Variants in CCSER1 observed in about 807,000 individuals in gnomAD.
CCSER1 encodes coiled-coil serine rich protein 1.
In CCSER1, 41 loss-of-function variants were observed where a neutral mutation model predicts 82.0. That is an observed-to-expected ratio of 0.50 (90% CI 0.39 to 0.65). The LOEUF is 0.65. Ranked by LOEUF, CCSER1 falls within the 30% of genes least tolerant of loss-of-function variation. The pLI, the probability that CCSER1 is intolerant of heterozygous loss-of-function variation, is 0.00. For synonymous variants in CCSER1, 414 were observed against 383.9 expected, an observed-to-expected ratio of 1.08 and a Z score of -0.92; for missense variants, 1,119 against 1,064.2, an observed-to-expected ratio of 1.05 and a Z score of -0.72.
At position 91,492,606 on chromosome 4, in the gene CCSER1, C is replaced by T. The variant is rs565743391; in HGVS notation, c.2218-105966C>T. On this transcript the variant is annotated intron_variant, in intron 10 of 10. Coordinates refer to ENST00000509176, the MANE Select transcript of CCSER1 (RefSeq NM_001145065.2). ...TCCATGCTTTCAGTTGATGTCATGG[C>T]GTGAACTTAAGAACATTATAAGAAG... Among the ~76,000 whole-genome samples the T allele has an allele frequency of 4.6e-5, 7 of 152,108 alleles. No individual in the cohort carries two copies. In the South Asian group the frequency reaches 8.3e-4, roughly 18 times the overall value.
Position 91,599,006 on chromosome 4 carries a change from C to A in CCSER1, c.2652C>A (p.His884Gln). The A allele has an allele frequency of 6.4e-7, 1 of 1,551,406 alleles. No homozygotes were observed. The highest frequency in any genetic ancestry group is 8.7e-7 in the Non-Finnish European group (1 of 1,146,820). Residue 884 changes from histidine to glutamine, a missense_variant, in exon 11 of 11, where the codon CAC becomes CAA. By Grantham distance (24) the His-to-Gln change is conservative. Coordinates refer to ENST00000509176, the MANE Select transcript of CCSER1 (RefSeq NM_001145065.2). Reference protein sequence around the residue: ...HMYSRKNVFLHHNLHSTELQT... With the variant: ...HMYSRKNVFLQHNLHSTELQT... ...ACAGCAGGAAGAATGTGTTTCTCCA[C>A]CACAATTTACACAGCACTGAGCTGC...
At chr4:90,499,059 C>G (rs1769440088) in intron 5 of CCSER1, among the ~76,000 whole-genome samples, 2 of 151,612 alleles carry the variant, frequency 1.3e-5, no homozygotes. Context: ...TAAATAAGCC[C>G]TATGTTTCTA....
intron 9 of CCSER1, among the ~76,000 whole-genome samples, chr4:90,998,078 T>C (rs1737657559): frequency 2.0e-5 from 3 of 152,088 alleles, no homozygotes; most frequent in Admixed American, 6.6e-5. Context: ...TTTTATTTTA[T>C]TTTATTTATT....
intron 1 of CCSER1, among the ~76,000 whole-genome samples, chr4:90,197,176 T>C (rs1375907353): frequency 1.3e-5 from 2 of 152,126 alleles, no homozygotes; most frequent in South Asian, 4.1e-4. Flanking sequence ...TTATAAAGGA[T>C]ATTATAAAGG....
In CCSER1 at chr4:90,561,979, A is replaced by G. The variant is rs150820442; in HGVS notation, c.1725-66046A>G. On this transcript the variant is annotated intron_variant, in intron 5 of 10. Coordinates refer to ENST00000509176, the MANE Select transcript of CCSER1 (RefSeq NM_001145065.2). Reference sequence around the variant, plus strand: ...GAAGCGGGAAGGATCACCTGAGGTCAGGAGTTTGAGACCAGCCTGGCCAAC... The same window carrying G: ...GAAGCGGGAAGGATCACCTGAGGTCGGGAGTTTGAGACCAGCCTGGCCAAC... 6.5e-3 allele frequency among the ~76,000 whole-genome samples: 985 copies of G among 152,172 alleles called. 18 individuals carry two copies. The highest frequency in any genetic ancestry group is 0.023 in the African/African-American group (938 of 41,530).
At chr4:90,721,384 G>A (rs1464867525) in intron 6 of CCSER1, among the ~76,000 whole-genome samples, 2 of 151,692 alleles carry the variant, frequency 1.3e-5, no homozygotes, top group Non-Finnish European at 3.0e-5. Flanking sequence ...AAATTCATGA[G>A]AATTAAGGAG....
chr4:90,336,657 G>T (rs918049651), intron 3 of CCSER1, among the ~76,000 whole-genome samples: 1 of 152,140 alleles, frequency 6.6e-6, no homozygotes, highest in African/African-American at 2.4e-5. Context: ...TCCTAGATTT[G>T]TGTCTTTGAG....
At chr4:91,196,253 CAAG>C (rs1735428966) in intron 10 of CCSER1, among the ~76,000 whole-genome samples, 1 of 151,688 alleles carries the variant, frequency 6.6e-6, no homozygotes, top group Non-Finnish European at 1.5e-5. Context: ...TCTTCTAGCC[CAAG>C]AAGGTCAATG....
intron 5 of CCSER1, among the ~76,000 whole-genome samples, chr4:90,612,557 A>G (rs1187888825): frequency 6.6e-6 from 1 of 152,202 alleles, no homozygotes; most frequent in Non-Finnish European, 1.5e-5. Context: ...TTAAAACAAA[A>G]TTCTTATAAT....
chr4:90,160,105 G>A (rs1729147802), intron 1 of CCSER1, among the ~76,000 whole-genome samples: 2 of 152,188 alleles, frequency 1.3e-5, no homozygotes, highest in Admixed American at 1.3e-4. Context: ...CTTGTTGGGG[G>A]CAGAGCAGGA....
At chr4:91,390,224 T>A (rs1419802051) in intron 10 of CCSER1, among the ~76,000 whole-genome samples, 2 of 151,602 alleles carry the variant, frequency 1.3e-5, no homozygotes, top group East Asian at 1.9e-4. Context: ...TTGATAAGAG[T>A]TTTTTTTAAA....
At chr4:90,991,707 A>G (rs1273030783) in intron 9 of CCSER1, among the ~76,000 whole-genome samples, 2 of 152,074 alleles carry the variant, frequency 1.3e-5, no homozygotes, top group Admixed American at 6.6e-5. Context: ...AGTCACGTCC[A>G]TAGCTATGAT....
chr4:91,034,364 T>C lies in CCSER1; in HGVS notation c.2173-51586T>C, dbSNP rs185078570. Among the ~76,000 whole-genome samples the C allele has an allele frequency of 1.4e-4, 20 of 143,450 alleles. No homozygotes were observed. The East Asian group carries it at 4.3e-3, about 31-fold the overall frequency. 94.1% of individuals were successfully genotyped at this position (143,450 alleles called of 152,430 possible). A position where few individuals can be genotyped will look rare whatever the true frequency, so the allele number is the denominator to read the frequency against. ...ACTTTTGTTCATGTAATTTGTTTCA[T>C]TGAGACTACCTTTTTAAATTGTTAA... On this transcript the variant is annotated intron_variant, in intron 9 of 10. Transcript: ENST00000509176.
At chr4:91,019,900 T>C (rs1360045685) in intron 9 of CCSER1, among the ~76,000 whole-genome samples, 1 of 152,192 alleles carries the variant, frequency 6.6e-6, no homozygotes, top group African/African-American at 2.4e-5. Context: ...GCTCTTCAGT[T>C]ATGGGCAACT....
chr4:90,982,889 T>A (rs1736242755), intron 9 of CCSER1, among the ~76,000 whole-genome samples: 1 of 151,334 alleles, frequency 6.6e-6, no homozygotes, highest in Non-Finnish European at 1.5e-5. Context: ...AAAGATAGAG[T>A]CCTTAGAAGC....
At chr4:91,222,998 C>T (rs1216477714) in intron 10 of CCSER1, among the ~76,000 whole-genome samples, 1 of 152,060 alleles carries the variant, frequency 6.6e-6, no homozygotes, top group Non-Finnish European at 1.5e-5. Flanking sequence ...CACTGGATAT[C>T]TTCCTGATTT....
intron 9 of CCSER1, among the ~76,000 whole-genome samples, chr4:91,059,638 C>T (rs898094354): frequency 4.6e-5 from 7 of 151,946 alleles, no homozygotes; most frequent in South Asian, 4.2e-4. Flanking sequence ...AACACACACA[C>T]ACAAACACCC....
Position 91,086,003 on chromosome 4 carries a change from G to T in CCSER1, c.2217+9G>T. The T allele has an allele frequency of 6.7e-7, 1 of 1,482,066 alleles. No individual in the cohort carries two copies. The highest frequency in any genetic ancestry group is 9.2e-7 in the Non-Finnish European group (1 of 1,084,220). 91.8% of individuals were successfully genotyped at this position (1,482,066 alleles called of 1,614,324 possible). On this transcript the variant is annotated intron_variant, in intron 10 of 10. Coordinates refer to ENST00000509176, the MANE Select transcript of CCSER1 (RefSeq NM_001145065.2). ...TACAAGGAGGGAGAGAGGTAAGAAT[G>T]TTTAAAGAAGAGGGGTGGGAAAAAG...
At chr4:90,590,922 A>C (rs1782616171) in intron 5 of CCSER1, among the ~76,000 whole-genome samples, 1 of 152,182 alleles carries the variant, frequency 6.6e-6, no homozygotes, top group Non-Finnish European at 1.5e-5. Context: ...GGTTCTTCCT[A>C]TCCATCAGCG....
Sources: gnomAD v4.1 joint callset for allele counts (sites outside exome capture counted in the v4.1 genomes callset) on GRCh38, gnomAD v4.1.1 for gene constraint, MANE v1.5 for transcripts, NCBI Gene and HGNC (gene_info 2026-07-23, HGNC 2026-07-21) for gene names.